CSMD1: variants seen among roughly 807,000 people sequenced by gnomAD.
CSMD1 encodes CUB and Sushi multiple domains 1, also known as CUB and sushi domain-containing protein 1.
CSMD1 carries 213 observed loss-of-function variants against 417.5 expected under a neutral mutation model. The ratio of observed to expected loss-of-function variants is 0.51; its 90% CI spans 0.46 to 0.57. The LOEUF is 0.57. Among genes scored for constraint, CSMD1 ranks in the 20% least tolerant of loss-of-function variants. The pLI, the probability that CSMD1 is intolerant of heterozygous loss-of-function variation, is 0.00. For missense variants in CSMD1, 6,923 were observed against 4,529.7 expected, an observed-to-expected ratio of 1.53 and a Z score of -15.17; for synonymous variants, 2,862 against 1,736.8, an observed-to-expected ratio of 1.65 and a Z score of -16.11.
intron 3 of CSMD1, among the ~76,000 whole-genome samples, chr8:4,286,197 C>T (rs557688649): frequency 6.6e-6 from 1 of 152,204 alleles, no homozygotes; most frequent in East Asian, 1.9e-4. Context: ...TTCTTTTCTC[C>T]CGACTGCAAA....
intron 3 of CSMD1, among the ~76,000 whole-genome samples, chr8:4,251,221 A>T (rs1176671810): frequency 6.6e-6 from 1 of 152,200 alleles, no homozygotes; most frequent in Non-Finnish European, 1.5e-5. Flanking sequence ...AACCTATAAC[A>T]GCTAACAATA....
chr8:4,690,395 C>G (rs1220963519), intron 1 of CSMD1, among the ~76,000 whole-genome samples: 2 of 152,146 alleles, frequency 1.3e-5, no homozygotes, highest in Non-Finnish European at 2.9e-5. Context: ...GTTGCTAACA[C>G]ATTCAAAATT....
chr8:3,477,417 G>T (rs754279194), intron 11 of CSMD1, among the ~76,000 whole-genome samples: 1 of 152,178 alleles, frequency 6.6e-6, no homozygotes, highest in Non-Finnish European at 1.5e-5. Flanking sequence ...AGAATGTGGA[G>T]AAAGCAGAGT....
intron 3 of CSMD1, among the ~76,000 whole-genome samples, chr8:4,086,267 G>C (rs1800413794): frequency 6.6e-6 from 1 of 152,254 alleles, no homozygotes; most frequent in East Asian, 1.9e-4. Flanking sequence ...AGACCTCCAA[G>C]AGGGAGGGAC....
At chr8:4,449,039 G>A (rs569648077) in intron 2 of CSMD1, among the ~76,000 whole-genome samples, 1 of 152,258 alleles carries the variant, frequency 6.6e-6, no homozygotes, top group South Asian at 2.1e-4. Context: ...TATGGTTCTT[G>A]AGTAAAAGGC....
At chr8:3,284,619 G>A (rs1342971976) in intron 25 of CSMD1, 2 of 410,298 alleles carry the variant, frequency 4.9e-6, no homozygotes, top group Non-Finnish European at 9.0e-6. Flanking sequence ...AGGATAAAAG[G>A]ATTGCTTTTG....
intron 5 of CSMD1, among the ~76,000 whole-genome samples, chr8:3,887,788 A>T (rs1806665994): frequency 6.6e-6 from 1 of 152,214 alleles, no homozygotes; most frequent in Non-Finnish European, 1.5e-5. Flanking sequence ...GTGTGGTATC[A>T]GAAAAGGCAT....
chr8:3,701,842 C>T (rs1800888046), intron 7 of CSMD1, among the ~76,000 whole-genome samples: 1 of 152,092 alleles, frequency 6.6e-6, no homozygotes, highest in Non-Finnish European at 1.5e-5. Context: ...ATGCCTGAGC[C>T]ACAACAAAAG....
chr8:4,807,468 C>G (rs1202363507), intron 1 of CSMD1, among the ~76,000 whole-genome samples: 5 of 152,134 alleles, frequency 3.3e-5, no homozygotes, highest in African/African-American at 9.7e-5. Context: ...GAAACCTTGT[C>G]TTATAGCCAA....
intron 5 of CSMD1, among the ~76,000 whole-genome samples, chr8:3,790,868 T>C (rs1056710478): frequency 5.9e-5 from 9 of 152,130 alleles, no homozygotes; most frequent in Admixed American, 4.6e-4. Flanking sequence ...CAGCTACTTT[T>C]TGAGATGGAA....
chr8:3,451,710 T>G (rs1024607257), intron 12 of CSMD1, among the ~76,000 whole-genome samples: 1 of 152,218 alleles, frequency 6.6e-6, no homozygotes, highest in Non-Finnish European at 1.5e-5. Flanking sequence ...GCTGTTTTGG[T>G]TACGGTAGCC....
chr8:4,673,698 A>G (rs972739127), intron 1 of CSMD1, among the ~76,000 whole-genome samples: 3 of 152,188 alleles, frequency 2.0e-5, no homozygotes, highest in Non-Finnish European at 4.4e-5. Context: ...CCCCCAAGAA[A>G]ACCCACAGCT....
intron 9 of CSMD1, among the ~76,000 whole-genome samples, chr8:3,577,236 C>CATGAA (rs1800187741): frequency 7.7e-6 from 1 of 129,526 alleles, no homozygotes; most frequent in African/African-American, 2.7e-5. Context: ...AAATGCATCT[C>CATGAA]ATGCATCATA....
At chr8:3,584,878 C>T (rs1219311497) in intron 9 of CSMD1, among the ~76,000 whole-genome samples, 2 of 152,114 alleles carry the variant, frequency 1.3e-5, no homozygotes, top group African/African-American at 2.4e-5. Flanking sequence ...CTAGTGGGAA[C>T]ATGAATTTTA....
At chr8:3,395,944 T>C (rs574098682) in intron 17 of CSMD1, among the ~76,000 whole-genome samples, 1 of 152,302 alleles carries the variant, frequency 6.6e-6, no homozygotes, top group Non-Finnish European at 1.5e-5. Context: ...ATGAACCCAT[T>C]TCATTGTTTT....
chr8:4,580,274 C>T (rs1799350142), intron 2 of CSMD1, among the ~76,000 whole-genome samples: 1 of 152,210 alleles, frequency 6.6e-6, no homozygotes, highest in South Asian at 2.1e-4. Flanking sequence ...GGTCATCACC[C>T]AGCCAGGTGT....
chr8:3,037,450 C>T (rs1468563020), intron 50 of CSMD1, among the ~76,000 whole-genome samples: 1 of 152,014 alleles, frequency 6.6e-6, no homozygotes, highest in African/African-American at 2.4e-5. Context: ...CCTCGTGATC[C>T]GCCCGCCTCG....
Position 3,216,431 on chromosome 8 carries a change from A to G in CSMD1, c.4673-1740T>C, listed in dbSNP as rs567005301. Among the ~76,000 whole-genome samples the G allele has an allele frequency of 7.9e-5, 12 of 152,310 alleles. No individual in the cohort carries two copies. The South Asian group carries it at 1.4e-3, about 18-fold the overall frequency. On this transcript the variant is annotated intron_variant, in intron 29 of 69. Transcript: ENST00000635120. ...GAAAATAAAAAATTTCCCAGTACAC[A>G]TCTATTAATGTATGTCTGTTGCTCT...
intron 1 of CSMD1, among the ~76,000 whole-genome samples, chr8:4,776,143 A>T (rs746169529): frequency 1.3e-5 from 2 of 152,134 alleles, no homozygotes; most frequent in Non-Finnish European, 2.9e-5. Flanking sequence ...CAGAACACCA[A>T]GGTGAAGAAG....
Sources: allele counts gnomAD v4.1 joint callset (sites outside exome capture counted in the v4.1 genomes callset), GRCh38; gene constraint gnomAD v4.1.1; transcripts MANE v1.5; gene names NCBI Gene and HGNC (gene_info 2026-07-23, HGNC 2026-07-21).